The following LENG8 variants were observed in gnomAD, a reference collection of about 807,000 sequenced individuals.
LENG8 encodes leukocyte receptor cluster member 8, also known as leukocyte receptor cluster (LRC) member 8.
In LENG8, 28 loss-of-function variants were observed where a neutral mutation model predicts 102.1. That is an observed-to-expected ratio of 0.27 (90% CI 0.20 to 0.38). LENG8 has a LOEUF of 0.38. Among genes scored for constraint, LENG8 ranks in the 10% least tolerant of loss-of-function variants. LENG8 has a pLI of 1.00. For synonymous variants in LENG8, 531 were observed against 456.7 expected (o/e 1.16, Z -2.07); for missense variants, 1,022 against 1,113.9 (o/e 0.92, Z 1.17).
chr19:54,454,281 T>G (rs974627310), intron 5 of LENG8, 149 bp from the exon 6 acceptor site: 27 of 720,146 alleles, frequency 3.7e-5, no homozygotes. Flanking sequence ...ACAGAGTTAC[T>G]GAGGACTCGA....
intron 15 of LENG8, chr19:54,460,263 G>C (rs546792342): frequency 4.7e-6 from 6 of 1,278,276 alleles, no homozygotes; most frequent in Non-Finnish European, 6.1e-6. Flanking sequence ...GCTCGTGCTA[G>C]ATGCTCAGTC....
chr19:54,449,842 T>G (rs2083870309), intron 1 of LENG8: 3 of 152,638 alleles, frequency 2.0e-5, no homozygotes, highest in Non-Finnish European at 4.4e-5. Context: ...TGACCTTACC[T>G]CTAATCTCCC....
At chr19:54,452,793 G>A (rs2084023392) in intron 4 of LENG8, 41 bp downstream of exon 4, 3 of 1,454,502 alleles carry the variant, frequency 2.1e-6, no homozygotes, top group Non-Finnish European at 2.9e-6. Flanking sequence ...GCGAGGTGGA[G>A]TCTGCTGGGT....
At position 54,461,515 on chromosome 19, in the gene LENG8, C is replaced by G. The variant is rs571925644; in HGVS notation, c.*587C>G. 2.2e-4 allele frequency: 103 copies of G among 470,360 alleles called. No individual in the cohort carries two copies. Among genetic ancestry groups the G allele is most frequent in the African/African-American group, 1.7e-3 (86 of 50,174 alleles). The allele number at this position is 470,360 out of a possible 1,614,324, so 29.1% of individuals were successfully genotyped here. A position where few individuals can be genotyped will look rare whatever the true frequency, so the allele number is the denominator to read the frequency against. ...GCCAGCACCACCAGCACCAGATCCTCCGCCGCCACACCGCACTGAGGACAC... is the reference window on the plus strand; with the variant it reads ...GCCAGCACCACCAGCACCAGATCCTGCGCCGCCACACCGCACTGAGGACAC... On this transcript the variant is annotated 3_prime_UTR_variant, in exon 16 of 16. Transcript: ENST00000326764.
chr19:54,452,725 C>T lies in LENG8; in HGVS notation c.288C>T (p.Ala96=), dbSNP rs747804385. 14 of 1,613,716 alleles carry T rather than the reference C, an allele frequency of 8.7e-6. No homozygotes were observed. The highest frequency in any genetic ancestry group is 1.2e-5 in the Non-Finnish European group (14 of 1,179,588). Residue 96 remains alanine (A), a synonymous_variant, in exon 4 of 16, where the codon GCC becomes GCT. Transcript: ENST00000326764. Reference sequence around the variant, plus strand: ...AGTGGTACCAGCAGTACAACTATGCCTACCCCTACAGCTACTACTATCCCA... The same window carrying T: ...AGTGGTACCAGCAGTACAACTATGCTTACCCCTACAGCTACTACTATCCCA... ...YYQWYQQYNY[A]YPYSYYYPMS...
chr19:54,461,460 G>A lies in LENG8; in HGVS notation c.*532G>A, dbSNP rs976865686. On this transcript the variant is annotated 3_prime_UTR_variant, in exon 16 of 16. Transcript: ENST00000326764. The stretch of plus-strand genomic sequence containing the variant: ...GGGGTGGGGGAGCTGCTTAGAGACT[G>A]TGCCCGTCCTCGGCCCCCCACCCTG... 2.2e-6 allele frequency: 1 copy of A among 461,780 alleles called. No homozygotes were observed. The highest frequency in any genetic ancestry group is 7.0e-5 in the East Asian group (1 of 14,382). 28.6% of individuals were successfully genotyped at this position (461,780 alleles called of 1,614,324 possible).
chr19:54,459,957 C>A lies in LENG8; in HGVS notation c.2241-809C>A, dbSNP rs1038400017. 9.9e-6 allele frequency: 12 copies of A among 1,210,550 alleles called. No homozygotes were observed. In the African/African-American group the frequency reaches 1.9e-4, roughly 19 times the overall value. 75.0% of individuals were successfully genotyped at this position (1,210,550 alleles called of 1,614,324 possible). ...GGGCGAGTGTCCTTGTTAATTGATACCTAATTGGCCTTGGTTGGGAACATA... is the reference window on the plus strand; with the variant it reads ...GGGCGAGTGTCCTTGTTAATTGATAACTAATTGGCCTTGGTTGGGAACATA... On this transcript the variant is annotated intron_variant, in intron 15 of 15. Transcript: ENST00000326764.
intron 3 of LENG8, among the ~76,000 whole-genome samples, 162 bp downstream of exon 3, chr19:54,452,429 A>G (rs2084005532): frequency 6.6e-6 from 1 of 152,232 alleles, no homozygotes; most frequent in East Asian, 1.9e-4. Flanking sequence ...TGTTTCCTTG[A>G]GGAAATTAGG....
At position 54,461,469 on chromosome 19, in the gene LENG8, C is replaced by T. The variant is rs565979677; in HGVS notation, c.*541C>T. The T allele has an allele frequency of 1.4e-4, 66 of 462,282 alleles. No homozygotes were observed. Among genetic ancestry groups the T allele is most frequent in the African/African-American group, 1.3e-3 (64 of 50,200 alleles). The allele number at this position is 462,282 out of a possible 1,614,324, so 28.6% of individuals were successfully genotyped here. A position where few individuals can be genotyped will look rare whatever the true frequency, so the allele number is the denominator to read the frequency against. Reference sequence around the variant, plus strand: ...GAGCTGCTTAGAGACTGTGCCCGTCCTCGGCCCCCCACCCTGAAGTGCCAG... The same window carrying T: ...GAGCTGCTTAGAGACTGTGCCCGTCTTCGGCCCCCCACCCTGAAGTGCCAG... On this transcript the variant is annotated 3_prime_UTR_variant, in exon 16 of 16. Transcript: ENST00000326764.
At position 54,456,864 on chromosome 19, in the gene LENG8, C is replaced by T; in HGVS notation, c.1674C>T (p.Thr558=). The change falls in exon 11 of 16, where the codon ACC becomes ACT. Residue 558 remains threonine, a synonymous_variant. Coordinates refer to ENST00000326764, the MANE Select transcript of LENG8 (RefSeq NM_052925.4). ...LQIVGTCPDI[T]KHYLRLTCAP... ...TCGTGGGCACCTGCCCTGACATCAC[C>T]AAGCACTACCTGCGCCTCACCTGTG... 1 of 1,610,866 alleles carries T rather than the reference C, an allele frequency of 6.2e-7. No individual in the cohort carries two copies. Among genetic ancestry groups the T allele is most frequent in the Non-Finnish European group, 8.5e-7 (1 of 1,179,872 alleles).
At position 54,456,037 on chromosome 19, in the gene LENG8, C is replaced by T. The variant is rs755537231; in HGVS notation, c.1096C>T (p.Pro366Ser). 1.9e-6 allele frequency: 3 copies of T among 1,612,708 alleles called. No individual in the cohort carries two copies. Among genetic ancestry groups the T allele is most frequent in the South Asian group, 1.1e-5 (1 of 91,040 alleles). Reference protein sequence around the residue: ...RWEAASSLHPPRGAGSATRGG... With the variant: ...RWEAASSLHPSRGAGSATRGG... ...GGAGGCCGCTAGCAGCCTTCACCCTCCTAGAGGGGCAGGCTCGGCGACAAG... is the reference window on the plus strand; with the variant it reads ...GGAGGCCGCTAGCAGCCTTCACCCTTCTAGAGGGGCAGGCTCGGCGACAAG... Residue 366 changes from proline to serine, a missense_variant, in exon 9 of 16, where the codon CCT becomes TCT. Pro to Ser is a moderately conservative substitution (Grantham distance 74, BLOSUM62 -1). Transcript: ENST00000326764.
rs146190817 is a variant in LENG8 at position 54,457,767 on chromosome 19, C to G, written c.1752C>G (p.Cys584Trp). 17 of 1,613,764 alleles carry G rather than the reference C, an allele frequency of 1.1e-5. No homozygotes were observed. In the African/African-American group the frequency reaches 2.1e-4, roughly 20 times the overall value. ...RPVAVLKKSLCMVKCHWKEKQ... is the reference protein window; with the variant it reads ...RPVAVLKKSLWMVKCHWKEKQ... ...TTCAGGTTTTGAAAAAGTCGCTGTGCATGGTCAAGTGCCACTGGAAAGAGA... is the reference window on the plus strand; with the variant it reads ...TTCAGGTTTTGAAAAAGTCGCTGTGGATGGTCAAGTGCCACTGGAAAGAGA... Residue 584 changes from cysteine to tryptophan, a missense_variant, in exon 12 of 16, where the codon TGC (cysteine) becomes TGG (tryptophan). Cys to Trp is a radical substitution (Grantham distance 215). Transcript: ENST00000326764.
chr19:54,456,548 G>A, intron 10 of LENG8, 83 bp downstream of exon 10: 2 of 1,535,952 alleles, frequency 1.3e-6, no homozygotes, highest in South Asian at 1.2e-5. Flanking sequence ...AGGAGGGCCG[G>A]ACAGGTGGAC....
intron 2 of LENG8, among the ~76,000 whole-genome samples, 197 bp downstream of exon 2, chr19:54,451,579 G>C (rs932018933): frequency 6.6e-6 from 1 of 152,192 alleles, no homozygotes; most frequent in African/African-American, 2.4e-5. Context: ...TCACCTCTCT[G>C]AGCTTTCGTT....
At chr19:54,451,646 A>G (rs1216339381) in intron 2 of LENG8, among the ~76,000 whole-genome samples, 1 of 152,206 alleles carries the variant, frequency 6.6e-6, no homozygotes, top group African/African-American at 2.4e-5. Flanking sequence ...AGCAAGTGTA[A>G]TTAGGAGGCA....
intron 15 of LENG8, chr19:54,459,344 C>T: frequency 2.0e-6 from 2 of 998,846 alleles, no homozygotes; most frequent in Non-Finnish European, 2.4e-6. Context: ...GCCTTGAGAG[C>T]CTGGCCAGGT....
At chr19:54,460,084 T>C (rs1304075095) in intron 15 of LENG8, 1 of 1,289,700 alleles carries the variant, frequency 7.8e-7, no homozygotes, top group African/African-American at 1.5e-5. Flanking sequence ...CAGCTGAGAC[T>C]GGGAGACGGA....
At chr19:54,451,256 C>G (rs1465002678) in intron 1 of LENG8, 34 bp from the exon 2 acceptor site, 14 of 1,392,622 alleles carry the variant, frequency 1.0e-5, no homozygotes, top group Non-Finnish European at 1.4e-5. Context: ...TTAGCTCCCC[C>G]TTAAGTCTCC....
chr19:54,460,264 A>G (rs2084462365), intron 15 of LENG8: 4 of 1,277,580 alleles, frequency 3.1e-6, no homozygotes, highest in African/African-American at 1.5e-5. Context: ...CTCGTGCTAG[A>G]TGCTCAGTCA....
Sources: allele counts gnomAD v4.1 joint callset (sites outside exome capture counted in the v4.1 genomes callset), GRCh38; gene constraint gnomAD v4.1.1; transcripts MANE v1.5; gene names NCBI Gene and HGNC (gene_info 2026-07-23, HGNC 2026-07-21).